Variants in RCBTB1 observed in about 807,000 individuals in gnomAD.
RCBTB1 encodes RCC1 and BTB domain-containing protein 1.
In RCBTB1, 46 loss-of-function variants were observed where a neutral mutation model predicts 62.4. The observed-to-expected ratio is 0.74, with a 90% CI of 0.58 to 0.94. The LOEUF is 0.94. Among genes scored for constraint, RCBTB1 ranks in the 40% least tolerant of loss-of-function variants. The pLI is 0.00. For synonymous variants in RCBTB1, 222 were observed against 245.8 expected, an observed-to-expected ratio of 0.90 and a Z score of 0.91; for missense variants, 565 against 654.9, an observed-to-expected ratio of 0.86 and a Z score of 1.50.
At position 49,572,978 on chromosome 13, in the gene RCBTB1, G is replaced by A. The variant is rs142780106; in HGVS notation, c.-41-5658C>T. 3.0e-4 allele frequency among the ~76,000 whole-genome samples: 46 copies of A among 152,222 alleles called. No individual in the cohort carries two copies. The East Asian group carries it at 8.3e-3, about 27-fold the overall frequency. On this transcript the variant is annotated intron_variant, in intron 2 of 12. Transcript: ENST00000378302. ...GCCTTCCCTGACAGTCAAGTACCTTGGTAAGTACCCTGAGCAAGGTAGCCC... is the reference window on the plus strand; with the variant it reads ...GCCTTCCCTGACAGTCAAGTACCTTAGTAAGTACCCTGAGCAAGGTAGCCC...
intron 9 of RCBTB1, chr13:49,546,154 C>T (rs1159647798): frequency 1.0e-6 from 1 of 984,910 alleles, no homozygotes; most frequent in Non-Finnish European, 1.2e-6. Context: ...CAAAAAAAAA[C>T]CCACTTCTCA....
At chr13:49,570,316 T>A (rs1963313622) in intron 2 of RCBTB1, among the ~76,000 whole-genome samples, 1 of 152,366 alleles carries the variant, frequency 6.6e-6, no homozygotes, top group South Asian at 2.1e-4. Context: ...GGCATTATTA[T>A]ACGCACTGAC....
At chr13:49,545,797 G>T (rs1023460082) in intron 9 of RCBTB1, among the ~76,000 whole-genome samples, 5 of 152,146 alleles carry the variant, frequency 3.3e-5, no homozygotes, top group Admixed American at 6.6e-5. Flanking sequence ...TCCAAGCCTG[G>T]GATGAACCAT....
At chr13:49,566,572 G>A (rs374303116) in intron 4 of RCBTB1, 46 bp downstream of exon 4, 70 of 1,579,006 alleles carry the variant, frequency 4.4e-5, no homozygotes, top group Middle Eastern at 3.4e-4. Flanking sequence ...AGAATTAACC[G>A]GTCAATTTCT....
Position 49,551,439 on chromosome 13 carries a change from T to C in RCBTB1, c.741A>G (p.Ala247=), listed in dbSNP as rs62637568. 4,562 of 1,614,208 alleles carry C rather than the reference T, an allele frequency of 2.8e-3. 89 individuals carry two copies. In the African/African-American group the frequency reaches 0.05, roughly 18 times the overall value. The change falls in exon 8 of 13, where the codon GCA becomes GCG. Residue 247 remains alanine (A), a synonymous_variant. Transcript: ENST00000378302. ...CATACAGCAAGCCCTCATCTGTTAG[T>C]GCTAGAGTATGTGCGTAACCGCAGA... ...QIVCGYAHTL[A]LTDEGLLYAW...
rs537663974 is a variant in RCBTB1, at chr13:49,556,010, C to T, written c.445-337G>A. Among the ~76,000 whole-genome samples, 3 of 152,224 alleles carry T rather than the reference C, an allele frequency of 2.0e-5. No individual in the cohort carries two copies. The South Asian group carries it at 6.2e-4, about 32-fold the overall frequency. ...AGCTATGCTCTTGACCACCATGCTACATTCCCTCTATAATTTGTGTGTGTG... is the reference window on the plus strand; with the variant it reads ...AGCTATGCTCTTGACCACCATGCTATATTCCCTCTATAATTTGTGTGTGTG... On this transcript the variant is annotated intron_variant, in intron 5 of 12. Coordinates refer to ENST00000378302, the MANE Select transcript of RCBTB1 (RefSeq NM_018191.4).
At chr13:49,581,783 C>T (rs986680191) in intron 1 of RCBTB1, among the ~76,000 whole-genome samples, 7 of 152,116 alleles carry the variant, frequency 4.6e-5, no homozygotes, top group South Asian at 2.1e-4. Context: ...ATGCTAGTGT[C>T]GAATGCTGCT....
chr13:49,561,929 TAA>T (rs58254547), intron 4 of RCBTB1, among the ~76,000 whole-genome samples: 35,051 of 134,534 alleles, frequency 0.26, 5,371 homozygotes, highest in African/African-American at 0.46. Context: ...CCACATCTAC[TAA>T]AAAAAAAAAA....
intron 12 of RCBTB1, among the ~76,000 whole-genome samples, chr13:49,536,133 T>C (rs1375569904): frequency 6.6e-6 from 1 of 152,178 alleles, no homozygotes; most frequent in East Asian, 1.9e-4. Flanking sequence ...CTGCCTTCCC[T>C]TCCCCTCCAA....
At chr13:49,564,560 G>A (rs891885885) in intron 4 of RCBTB1, among the ~76,000 whole-genome samples, 2 of 124,778 alleles carry the variant, frequency 1.6e-5, no homozygotes, top group African/African-American at 6.3e-5. Flanking sequence ...ACTCCAGCCT[G>A]GAGACAGAGC....
chr13:49,567,143 G>A lies in RCBTB1; in HGVS notation c.126+11C>T, dbSNP rs749038455. The A allele has an allele frequency of 1.2e-5, 20 of 1,612,884 alleles. No homozygotes were observed. Among genetic ancestry groups the A allele is most frequent in the Middle Eastern group, 1.6e-4 (1 of 6,074 alleles). On this transcript the variant is annotated intron_variant, in intron 3 of 12. Transcript: ENST00000378302. The stretch of plus-strand genomic sequence containing the variant: ...GTCCTAAAACGAAACTAGGTTTCAA[G>A]AGACTCTTACCTCATCATTGTCAGT...
rs2139095582 is a variant in RCBTB1, at chr13:49,532,108, T to C, written c.*2014A>G. The C allele has an allele frequency of 6.5e-6, 1 of 152,684 alleles. No individual in the cohort carries two copies. The highest frequency in any genetic ancestry group is 2.1e-4 in the South Asian group (1 of 4,828). 9.5% of individuals were successfully genotyped at this position (152,684 alleles called of 1,614,324 possible). ...CTTTGGCTTCCATTATTACATTAGA[T>C]GAAAAAATCAATTCAAATAAGAGTT... On this transcript the variant is annotated 3_prime_UTR_variant, in exon 13 of 13. Coordinates refer to ENST00000378302, the MANE Select transcript of RCBTB1 (RefSeq NM_018191.4).
chr13:49,574,126 G>T (rs1391019673), intron 2 of RCBTB1, among the ~76,000 whole-genome samples: 1 of 145,520 alleles, frequency 6.9e-6, no homozygotes, highest in Non-Finnish European at 1.5e-5. Flanking sequence ...TCTTTTTTTG[G>T]GGGTGGGGGG....
At chr13:49,537,336 A>T (rs1427145043) in intron 12 of RCBTB1, among the ~76,000 whole-genome samples, 1 of 152,274 alleles carries the variant, frequency 6.6e-6, no homozygotes, top group Non-Finnish European at 1.5e-5. Flanking sequence ...GTACTTAAAC[A>T]TTCTACCATA....
intron 9 of RCBTB1, among the ~76,000 whole-genome samples, chr13:49,545,563 T>C (rs1960723209): frequency 6.6e-6 from 1 of 152,212 alleles, no homozygotes; most frequent in Non-Finnish European, 1.5e-5. Flanking sequence ...AGAACTGTGT[T>C]ACTACAAGGA....
intron 1 of RCBTB1, among the ~76,000 whole-genome samples, chr13:49,584,516 TA>T (rs1566283569): frequency 6.6e-6 from 1 of 152,230 alleles, no homozygotes; most frequent in African/African-American, 2.4e-5. Context: ...CTCTAAAGTT[TA>T]AAGCACCTAT....
At chr13:49,555,824 T>C in intron 5 of RCBTB1, 151 bp from the exon 6 acceptor site, 1 of 601,660 alleles carries the variant, frequency 1.7e-6, no homozygotes, top group South Asian at 2.4e-5. Context: ...TTAACCTATT[T>C]AACCTGCCTA....
intron 4 of RCBTB1, among the ~76,000 whole-genome samples, chr13:49,564,479 G>A (rs990411357): frequency 2.0e-5 from 3 of 151,052 alleles, no homozygotes; most frequent in Admixed American, 6.6e-5. Flanking sequence ...TCAGCTACTC[G>A]GGAGGTTGAG....
chr13:49,577,786 T>C (rs989427580), intron 2 of RCBTB1, among the ~76,000 whole-genome samples: 1 of 152,236 alleles, frequency 6.6e-6, no homozygotes, highest in African/African-American at 2.4e-5. Context: ...TTAAGTAGCC[T>C]AAACATTCTT....
Sources: allele counts gnomAD v4.1 joint callset (sites outside exome capture counted in the v4.1 genomes callset), GRCh38; gene constraint gnomAD v4.1.1; transcripts MANE v1.5; gene names NCBI Gene and HGNC (gene_info 2026-07-23, HGNC 2026-07-21).